Variants in RPSA2 observed in about 807,000 individuals in gnomAD.
The protein encoded by RPSA2 is small ribosomal subunit protein uS2B.
the RPSA2 span, among the ~76,000 whole-genome samples, chr19:23,798,526 A>G: frequency 6.6e-6 from 1 of 152,204 alleles, no homozygotes; most frequent in Non-Finnish European, 1.5e-5. Context: ...CTTTGAATGA[A>G]TTCCTTAATT....
the RPSA2 span, among the ~76,000 whole-genome samples, chr19:23,779,522 G>A: frequency 0.062 from 9,456 of 152,240 alleles, 320 homozygotes; most frequent in African/African-American, 0.07. Context: ...GGGGTTATTA[G>A]GACATTTATT....
At chr19:23,856,754 C>T in the RPSA2 span, among the ~76,000 whole-genome samples, 6 of 152,168 alleles carry the variant, frequency 3.9e-5, no homozygotes, top group East Asian at 7.7e-4. Flanking sequence ...CATCACATAT[C>T]GGTAGGACCA....
the RPSA2 span, among the ~76,000 whole-genome samples, chr19:23,761,255 A>C: frequency 6.6e-6 from 1 of 151,824 alleles, no homozygotes; most frequent in Non-Finnish European, 1.5e-5. Context: ...AATTTTCTAA[A>C]TTTTTGTAGA....
chr19:23,802,533 G>A, the RPSA2 span, among the ~76,000 whole-genome samples: 1 of 152,226 alleles, frequency 6.6e-6, no homozygotes, highest in Non-Finnish European at 1.5e-5. Context: ...AGGCTGACAA[G>A]AGTGGTTAAT....
the RPSA2 span, among the ~76,000 whole-genome samples, chr19:23,862,487 C>T: frequency 2.0e-5 from 3 of 151,642 alleles, no homozygotes; most frequent in Non-Finnish European, 4.4e-5. Flanking sequence ...CAGTTTTTGC[C>T]CATTCAGTAT....
chr19:23,821,156 G>A, the RPSA2 span, among the ~76,000 whole-genome samples: 2 of 152,204 alleles, frequency 1.3e-5, no homozygotes, highest in South Asian at 2.1e-4. Flanking sequence ...CTCTCTGATC[G>A]ATTAATGTTA....
At chr19:23,866,318 A>G in the RPSA2 span, among the ~76,000 whole-genome samples, 1 of 152,196 alleles carries the variant, frequency 6.6e-6, no homozygotes, top group Admixed American at 6.5e-5. Context: ...AATGCTTACC[A>G]TAGCTCTAGC....
chr19:23,832,959 A>T, the RPSA2 span: 1 of 1,487,086 alleles, frequency 6.7e-7, no homozygotes, highest in Non-Finnish European at 9.1e-7. Flanking sequence ...TTCACAGTGG[A>T]GTAAAACCCT....
chr19:23,823,356 T>C, the RPSA2 span, among the ~76,000 whole-genome samples: 1 of 152,136 alleles, frequency 6.6e-6, no homozygotes, highest in African/African-American at 2.4e-5. Flanking sequence ...CTTTGGAGTT[T>C]GTTAATCCCC....
chr19:23,854,612 T>A, the RPSA2 span, among the ~76,000 whole-genome samples: 1 of 152,238 alleles, frequency 6.6e-6, no homozygotes, highest in African/African-American at 2.4e-5. Flanking sequence ...ACTTGCCCAG[T>A]GTTTACCTTT....
At chr19:23,791,793 G>A in the RPSA2 span, among the ~76,000 whole-genome samples, 1 of 146,378 alleles carries the variant, frequency 6.8e-6, no homozygotes, top group Non-Finnish European at 1.5e-5. Context: ...AGACTGGAGT[G>A]CAGTGGCATG....
the RPSA2 span, chr19:23,758,725 A>G: frequency 3.1e-6 from 5 of 1,614,144 alleles, no homozygotes; most frequent in Non-Finnish European, 4.2e-6. Context: ...CTCTCTCGGG[A>G]TGTCGGACCC....
At chr19:23,852,602 A>C in the RPSA2 span, among the ~76,000 whole-genome samples, 3 of 113,300 alleles carry the variant, frequency 2.6e-5, no homozygotes, top group South Asian at 3.8e-4. Flanking sequence ...GCGGCTTAAG[A>C]ATGCCTTTGA....
chr19:23,830,331 G>T, the RPSA2 span, among the ~76,000 whole-genome samples: 3 of 152,094 alleles, frequency 2.0e-5, no homozygotes, highest in African/African-American at 7.2e-5. Flanking sequence ...TTTTGGTAGA[G>T]ACAGGGTTTC....
chr19:23,865,415 G>A, the RPSA2 span, among the ~76,000 whole-genome samples: 3 of 152,164 alleles, frequency 2.0e-5, no homozygotes, highest in South Asian at 6.2e-4. Flanking sequence ...CAGTAGGAGA[G>A]GGATTGAAAT....
At chr19:23,803,611 C>CTTGGAATTATTGAACACA in the RPSA2 span, among the ~76,000 whole-genome samples, 1 of 2,032 alleles carries the variant, frequency 4.9e-4, no homozygotes, top group African/African-American at 9.5e-4. Flanking sequence ...CAGTGACAGC[C>CTTGGAATTATTGAACACA]GGGCGCGGTG....
At chr19:23,817,172 A>G in the RPSA2 span, among the ~76,000 whole-genome samples, 7 of 152,192 alleles carry the variant, frequency 4.6e-5, no homozygotes, top group Non-Finnish European at 1.0e-4. Context: ...ACCTGAGGTC[A>G]GGAGTTTGAA....
chr19:23,759,525 T>TTTTTTTG, the RPSA2 span, among the ~76,000 whole-genome samples: 1 of 129,932 alleles, frequency 7.7e-6, no homozygotes, highest in Non-Finnish European at 1.6e-5. Context: ...ATATCAGGTT[T>TTTTTTTG]TTTTTTTTTT....
the RPSA2 span, chr19:23,842,530 GTGT>G: frequency 8.6e-5 from 13 of 151,008 alleles, no homozygotes; most frequent in Admixed American, 1.3e-4. Context: ...CTAAATATGT[GTGT>G]TTTTTTTTTT....
Sources: allele counts gnomAD v4.1 joint callset (sites outside exome capture counted in the v4.1 genomes callset), GRCh38; gene constraint gnomAD v4.1.1; transcripts MANE v1.5; gene names NCBI Gene and HGNC (gene_info 2026-07-23, HGNC 2026-07-21).